The following PCDH11Y variants were observed in gnomAD, a reference collection of about 807,000 sequenced individuals.
PCDH11Y encodes protocadherin 11 Y-linked.
For synonymous variants in PCDH11Y, 9 were observed against 83.6 expected (o/e 0.11, Z 4.87); for missense variants, 12 against 224.8 (o/e 0.05, Z 6.05).
chrY:5,213,259 A>T, intron 2 of PCDH11Y, among the ~76,000 whole-genome samples: 2 of 22,527 alleles, frequency 8.9e-5, no homozygotes, highest in Admixed American at 9.1e-4. Context: ...ACTTTTGATC[A>T]GTCTGCTATG....
chrY:5,094,927 A>G, intron 1 of PCDH11Y, among the ~76,000 whole-genome samples: 1 of 32,473 alleles, frequency 3.1e-5, no homozygotes, highest in East Asian at 7.9e-4. Flanking sequence ...GATTATTGCC[A>G]TTTCACATAA....
At chrY:5,573,467 G>C (rs2053442068) in intron 3 of PCDH11Y, 2 of 304,588 alleles carry the variant, frequency 6.6e-6, no homozygotes, top group Admixed American at 7.6e-5. Context: ...GTAGGCTGGA[G>C]AGCAAAATCC....
intron 2 of PCDH11Y, among the ~76,000 whole-genome samples, chrY:5,423,952 A>G: frequency 3.0e-5 from 1 of 33,396 alleles, no homozygotes; most frequent in African/African-American, 1.2e-4. Flanking sequence ...TTTATGTTAT[A>G]TTTTTTCACA....
chrY:5,014,228 A>T, intron 1 of PCDH11Y, among the ~76,000 whole-genome samples: 1 of 30,405 alleles, frequency 3.3e-5, no homozygotes, highest in Non-Finnish European at 7.9e-5. Flanking sequence ...TGTCAGAGAC[A>T]ATAATAGATC....
At chrY:5,403,359 G>A (rs1602920193) in intron 2 of PCDH11Y, among the ~76,000 whole-genome samples, 2 of 32,960 alleles carry the variant, frequency 6.1e-5, no homozygotes, top group African/African-American at 2.3e-4. Flanking sequence ...AACTTCACCC[G>A]TTTCAATTTT....
intron 2 of PCDH11Y, among the ~76,000 whole-genome samples, chrY:5,203,026 G>A (rs2052928536): frequency 3.2e-5 from 1 of 31,686 alleles, no homozygotes; most frequent in African/African-American, 1.3e-4. Flanking sequence ...AGGAAGCTCT[G>A]TGATAAGCAT....
At chrY:5,583,652 C>G in intron 4 of PCDH11Y, among the ~76,000 whole-genome samples, 10 of 27,723 alleles carry the variant, frequency 3.6e-4, no homozygotes, top group Non-Finnish European at 7.7e-4. Context: ...TTTCTTGATT[C>G]CTTAATGTTG....
At chrY:5,265,946 G>GT (rs2053025059) in intron 2 of PCDH11Y, among the ~76,000 whole-genome samples, 1 of 33,206 alleles carries the variant, frequency 3.0e-5, no homozygotes, top group Non-Finnish European at 7.4e-5. Context: ...CGGTAAGAGA[G>GT]TTTTTGTGTT....
At chrY:5,295,093 T>G in intron 2 of PCDH11Y, among the ~76,000 whole-genome samples, 1 of 33,563 alleles carries the variant, frequency 3.0e-5, no homozygotes, top group East Asian at 7.9e-4. Context: ...AGGTTTCTAC[T>G]GAAAAGTTTG....
chrY:5,249,004 G>T (rs2053000768), intron 2 of PCDH11Y, among the ~76,000 whole-genome samples: 1 of 32,701 alleles, frequency 3.1e-5, no homozygotes, highest in Admixed American at 2.9e-4. Flanking sequence ...AAACACCTAG[G>T]AATGCAGCTA....
At chrY:5,306,160 A>C in intron 2 of PCDH11Y, among the ~76,000 whole-genome samples, 1 of 31,817 alleles carries the variant, frequency 3.1e-5, no homozygotes, top group Non-Finnish European at 7.6e-5. Context: ...TTGAAGCTTA[A>C]TTGGGAAGAT....
At chrY:5,012,342 T>G in intron 1 of PCDH11Y, among the ~76,000 whole-genome samples, 1 of 32,540 alleles carries the variant, frequency 3.1e-5, no homozygotes, top group African/African-American at 1.2e-4. Context: ...CTCAGGAAAC[T>G]GACAATCATG....
At chrY:5,200,649 C>T (rs2052925612) in intron 2 of PCDH11Y, among the ~76,000 whole-genome samples, 1 of 32,684 alleles carries the variant, frequency 3.1e-5, no homozygotes, top group African/African-American at 1.2e-4. Flanking sequence ...TGCAGTGGTG[C>T]GATCAGGGCT....
At chrY:5,667,445 G>C in intron 4 of PCDH11Y, among the ~76,000 whole-genome samples, 1 of 31,332 alleles carries the variant, frequency 3.2e-5, no homozygotes, top group Non-Finnish European at 7.7e-5. Context: ...CCAGGCTGGA[G>C]TGCAGTGACA....
chrY:5,024,918 A>G (rs2052576450), intron 1 of PCDH11Y, among the ~76,000 whole-genome samples: 1 of 32,907 alleles, frequency 3.0e-5, no homozygotes, highest in Non-Finnish European at 7.5e-5. Flanking sequence ...AGGTTAGTGT[A>G]AGTGAAAAAA....
intron 3 of PCDH11Y, among the ~76,000 whole-genome samples, chrY:5,527,815 C>T: frequency 3.0e-5 from 1 of 33,011 alleles, no homozygotes; most frequent in Non-Finnish European, 7.5e-5. Context: ...GACACATACA[C>T]TTTCATTGTG....
At chrY:5,298,286 A>T in intron 2 of PCDH11Y, among the ~76,000 whole-genome samples, 1 of 33,611 alleles carries the variant, frequency 3.0e-5, no homozygotes, top group Admixed American at 2.7e-4. Context: ...TGAATGGGTC[A>T]GTTCTTTAGG....
At chrY:5,073,916 T>G in intron 1 of PCDH11Y, among the ~76,000 whole-genome samples, 1 of 32,331 alleles carries the variant, frequency 3.1e-5, no homozygotes, top group Non-Finnish European at 7.5e-5. Context: ...TTTCTCAGAG[T>G]CTTTTCTGAT....
chrY:5,308,033 G>A, intron 2 of PCDH11Y, among the ~76,000 whole-genome samples: 2 of 32,942 alleles, frequency 6.1e-5, no homozygotes, highest in South Asian at 1.4e-3. Flanking sequence ...ACAACTTTAA[G>A]GAATTTATGA....
Sources: allele counts gnomAD v4.1 joint callset (sites outside exome capture counted in the v4.1 genomes callset), GRCh38; gene constraint gnomAD v4.1.1; transcripts MANE v1.5; gene names NCBI Gene and HGNC (gene_info 2026-07-23, HGNC 2026-07-21).